Variants in NIBAN2 observed in about 807,000 individuals in gnomAD.
The protein encoded by NIBAN2 is niban apoptosis regulator 2.
NIBAN2 carries 36 observed loss-of-function variants against 81.8 expected under a neutral mutation model. The ratio of observed to expected loss-of-function variants is 0.44; its 90% CI spans 0.34 to 0.58. The LOEUF (loss-of-function observed/expected upper bound fraction) is 0.58. Among genes scored for constraint, NIBAN2 ranks in the 20% least tolerant of loss-of-function variants. The pLI, the probability that NIBAN2 is intolerant of heterozygous loss-of-function variation, is 0.02. For missense variants in NIBAN2, 897 were observed against 1,014.1 expected, an observed-to-expected ratio of 0.88 and a Z score of 1.57; for synonymous variants, 445 against 441.6, an observed-to-expected ratio of 1.01 and a Z score of -0.10.
chr9:127,557,924 G>A (rs965511874), intron 1 of NIBAN2, among the ~76,000 whole-genome samples: 4 of 152,194 alleles, frequency 2.6e-5, no homozygotes, highest in Non-Finnish European at 5.9e-5. Context: ...GAGGCCCAGA[G>A]GAGAGACGCC....
Position 127,512,945 on chromosome 9 carries a change from C to G in NIBAN2, c.974-2612G>C, listed in dbSNP as rs1432358308. 2.0e-5 allele frequency among the ~76,000 whole-genome samples: 3 copies of G among 152,172 alleles called. No homozygotes were observed. The East Asian group carries it at 5.8e-4, about 29-fold the overall frequency. ...GTGTTTGTTGCGGCTCTGTTCACAA[C>G]AACCAAGATTTGGAAGCAACCTAAG... is the stretch of plus-strand genomic sequence containing the variant. On this transcript the variant is annotated intron_variant, in intron 8 of 13. Coordinates refer to ENST00000373312, the MANE Select transcript of NIBAN2 (RefSeq NM_022833.4).
intron 1 of NIBAN2, among the ~76,000 whole-genome samples, chr9:127,576,692 C>T (rs1355408140): frequency 6.6e-6 from 1 of 151,602 alleles, no homozygotes; most frequent in African/African-American, 2.4e-5. Flanking sequence ...GCAGGAGGAT[C>T]GCTTGAGCCC....
In NIBAN2 at chr9:127,568,879, A is replaced by G; in HGVS notation, c.-5T>C. On this transcript the variant is annotated 5_prime_UTR_variant, in exon 1 of 14. Coordinates refer to ENST00000373312, the MANE Select transcript of NIBAN2 (RefSeq NM_022833.4). ...CGTGGACAGCACGTCCCCCATGGCCAGGAGGTGTCGCGGCCCGATCCGGCC... is the reference window on the plus strand; with the variant it reads ...CGTGGACAGCACGTCCCCCATGGCCGGGAGGTGTCGCGGCCCGATCCGGCC... The G allele has an allele frequency of 1.5e-6, 2 of 1,334,056 alleles. No homozygotes were observed. The highest frequency in any genetic ancestry group is 1.7e-5 in the South Asian group (1 of 57,164). The allele number at this position is 1,334,056 out of a possible 1,614,324, so 82.6% of individuals were successfully genotyped here.
At chr9:127,531,162 A>AG (rs1267846141) in intron 2 of NIBAN2, among the ~76,000 whole-genome samples, 1 of 141,020 alleles carries the variant, frequency 7.1e-6, no homozygotes, top group African/African-American at 2.6e-5. Context: ...CCTGGGCAAC[A>AG]GCAAGACCCA....
chr9:127,523,227 A>G (rs1194815122), intron 5 of NIBAN2, among the ~76,000 whole-genome samples: 9 of 74,040 alleles, frequency 1.2e-4, no homozygotes, highest in African/African-American at 4.2e-4. Flanking sequence ...ATATATATAT[A>G]TATATATATA....
chr9:127,551,247 G>A (rs10987681), intron 1 of NIBAN2, among the ~76,000 whole-genome samples: 9,345 of 152,228 alleles, frequency 0.061, 389 homozygotes, highest in South Asian at 0.21. Flanking sequence ...AATTGGCAGG[G>A]TGCTGTGGCT....
intron 1 of NIBAN2, among the ~76,000 whole-genome samples, chr9:127,565,291 A>G (rs2132238782): frequency 1.3e-5 from 2 of 152,136 alleles, no homozygotes; most frequent in East Asian, 3.9e-4. Flanking sequence ...CAATTAGACA[A>G]AATGTTCAGT....
chr9:127,510,408 G>A (rs779018858), intron 8 of NIBAN2, 75 bp from the exon 9 acceptor site: 4 of 1,086,530 alleles, frequency 3.7e-6, no homozygotes, highest in Non-Finnish European at 5.3e-6. Context: ...CCCAGGTGCT[G>A]GAGGCTACTG....
intron 1 of NIBAN2, among the ~76,000 whole-genome samples, chr9:127,560,631 A>C (rs546350032): frequency 1.8e-4 from 28 of 152,290 alleles, no homozygotes; most frequent in Admixed American, 1.1e-3. Flanking sequence ...CTGAGGAGGG[A>C]CAGCCAGCCA....
rs986709219 is a variant in NIBAN2, at chr9:127,536,209, G to A, written c.56-4431C>T. Among the ~76,000 whole-genome samples the A allele has an allele frequency of 2.0e-5, 3 of 152,162 alleles. No homozygotes were observed. The highest frequency in any genetic ancestry group is 2.1e-4 in the South Asian group (1 of 4,830). ...CCAGAGACGCAGAAGATGAGGACTCGGGTGCTGGGGACCCCAGGTGTGGAG... is the reference window on the plus strand; with the variant it reads ...CCAGAGACGCAGAAGATGAGGACTCAGGTGCTGGGGACCCCAGGTGTGGAG... On this transcript the variant is annotated intron_variant, in intron 1 of 13. Transcript: ENST00000373312. The surrounding 1 kb of genome is among the most constrained non-coding windows in gnomAD (Gnocchi z 4.0).
At chr9:127,532,616 T>C (rs563060252) in intron 1 of NIBAN2, among the ~76,000 whole-genome samples, 209 of 150,954 alleles carry the variant, frequency 1.4e-3, no homozygotes, top group African/African-American at 4.8e-3. Flanking sequence ...AATAAAAAAA[T>C]TTAAAAAAAT....
chr9:127,540,978 G>A (rs549744529), intron 1 of NIBAN2, among the ~76,000 whole-genome samples: 6 of 152,368 alleles, frequency 3.9e-5, no homozygotes, highest in Non-Finnish European at 7.3e-5. Flanking sequence ...GAACCTGCCC[G>A]CCTGGTTCCC....
At position 127,507,843 on chromosome 9, in the gene NIBAN2, T is replaced by C. The variant is rs781353703; in HGVS notation, c.1654+24A>G. ...GCCCCCAGCATCCTCCTGGCAACAG[T>C]CCCCACCCCGGGACGGCACCCACCC... On this transcript the variant is annotated intron_variant, in intron 13 of 13. Coordinates refer to ENST00000373312, the MANE Select transcript of NIBAN2 (RefSeq NM_022833.4). The surrounding 1 kb of genome is among the most constrained non-coding windows in gnomAD (Gnocchi z 6.8). The C allele has an allele frequency of 1.1e-5, 17 of 1,605,506 alleles. No homozygotes were observed. The East Asian group carries it at 3.6e-4, about 34-fold the overall frequency.
chr9:127,535,258 G>A (rs1329217462), intron 1 of NIBAN2, among the ~76,000 whole-genome samples: 2 of 151,946 alleles, frequency 1.3e-5, no homozygotes, highest in African/African-American at 2.4e-5. Context: ...GTGAGGACTC[G>A]AACACAGGTC....
Position 127,517,732 on chromosome 9 carries a change from C to G in NIBAN2, c.705+94G>C. ...TCATCTCCTTCCAAACCGGCAGCGC[C>G]CCAGAGCCCCATCTCTGTACCCCAC... On this transcript the variant is annotated intron_variant, in intron 6 of 13. Coordinates refer to ENST00000373312, the MANE Select transcript of NIBAN2 (RefSeq NM_022833.4). This position sits in a 1 kb window ranked among gnomAD's most constrained non-coding sequence, Gnocchi z 4.0. 1 of 894,648 alleles carries G rather than the reference C, an allele frequency of 1.1e-6. No homozygotes were observed. 55.4% of individuals were successfully genotyped at this position (894,648 alleles called of 1,614,324 possible).
intron 1 of NIBAN2, among the ~76,000 whole-genome samples, chr9:127,553,847 C>T (rs560517449): frequency 9.2e-5 from 14 of 152,274 alleles, no homozygotes; most frequent in African/African-American, 3.4e-4. Context: ...TCCAGAGTAG[C>T]TGGGACTATA....
rs564609805 is a variant in NIBAN2, at chr9:127,550,835, G to T, written c.55+17985C>A. On this transcript the variant is annotated intron_variant, in intron 1 of 13. Transcript: ENST00000373312. Reference sequence around the variant, plus strand: ...ACTACCTCCTCATGGAAACTAAGGCGGTCACCTAAGCTCAGATCCTCCGCG... The same window carrying T: ...ACTACCTCCTCATGGAAACTAAGGCTGTCACCTAAGCTCAGATCCTCCGCG... Among the ~76,000 whole-genome samples, 312 of 152,268 alleles carry T rather than the reference G, an allele frequency of 2.0e-3. 1 individual carries two copies. Among genetic ancestry groups the T allele is most frequent in the Non-Finnish European group, 3.2e-3 (221 of 68,020 alleles).
chr9:127,539,748 T>C (rs1188826389), intron 1 of NIBAN2, among the ~76,000 whole-genome samples: 2 of 152,062 alleles, frequency 1.3e-5, no homozygotes, highest in African/African-American at 4.8e-5. Flanking sequence ...CAGCAGCTGA[T>C]CACAGCCCCC....
intron 1 of NIBAN2, among the ~76,000 whole-genome samples, chr9:127,558,376 C>A (rs1420012389): frequency 6.6e-6 from 1 of 152,154 alleles, no homozygotes; most frequent in Non-Finnish European, 1.5e-5. Context: ...AAGCTTCATG[C>A]TGGGGTCAAG....
Sources: allele counts gnomAD v4.1 joint callset (sites outside exome capture counted in the v4.1 genomes callset), GRCh38; gene constraint gnomAD v4.1.1; non-coding constraint Gnocchi (gnomAD v3.1); transcripts MANE v1.5; gene names NCBI Gene and HGNC (gene_info 2026-07-23, HGNC 2026-07-21).